The following SGCZ variants were observed in gnomAD, a reference collection of about 807,000 sequenced individuals.
The protein encoded by SGCZ is zeta-sarcoglycan.
SGCZ carries 40 observed loss-of-function variants against 41.3 expected under a neutral mutation model. That is an observed-to-expected ratio of 0.97 (90% CI 0.75 to 1.26). The LOEUF (loss-of-function observed/expected upper bound fraction) is 1.26. Ranked by LOEUF, SGCZ falls within the 50% of genes most tolerant of loss-of-function variation. SGCZ has a pLI of 0.00. For synonymous variants in SGCZ, 206 were observed against 137.5 expected (o/e 1.50, Z -3.49); for missense variants, 552 against 369.8 (o/e 1.49, Z -4.04).
chr8:14,562,380 T>A (rs1436762899), intron 1 of SGCZ, among the ~76,000 whole-genome samples: 3 of 152,002 alleles, frequency 2.0e-5, no homozygotes, highest in Non-Finnish European at 4.4e-5. Flanking sequence ...ACACAATATG[T>A]GCATAGAAAA....
rs549077214 is a variant in SGCZ at position 14,473,534 on chromosome 8, T to G, written c.234+81198A>C. Among the ~76,000 whole-genome samples, 9 of 152,324 alleles carry G rather than the reference T, an allele frequency of 5.9e-5. No individual in the cohort carries two copies. In the South Asian group the frequency reaches 1.2e-3, roughly 21 times the overall value. The stretch of plus-strand genomic sequence containing the variant: ...CTACCAAAAACTAAAATATCAATTT[T>G]GACCCAGAATTGTCAACTACATAGG... On this transcript the variant is annotated intron_variant, in intron 2 of 7. Coordinates refer to ENST00000382080, the MANE Select transcript of SGCZ (RefSeq NM_139167.4).
chr8:14,759,123 C>T (rs1004049596), intron 1 of SGCZ, among the ~76,000 whole-genome samples: 1 of 151,812 alleles, frequency 6.6e-6, no homozygotes, highest in Admixed American at 6.6e-5. Flanking sequence ...TTTATAAATA[C>T]TGACAACTAA....
intron 3 of SGCZ, among the ~76,000 whole-genome samples, chr8:14,264,949 C>T (rs901437807): frequency 2.0e-5 from 3 of 151,982 alleles, no homozygotes; most frequent in Admixed American, 2.0e-4. Context: ...GGTGACAGAG[C>T]GAGACTCTGT....
intron 1 of SGCZ, among the ~76,000 whole-genome samples, chr8:14,897,054 T>C (rs1230205109): frequency 1.3e-5 from 2 of 152,126 alleles, no homozygotes; most frequent in African/African-American, 2.4e-5. Context: ...AGTGATGGGA[T>C]TACAGGCGTG....
chr8:14,410,868 GCTAT>G (rs1162023165), intron 2 of SGCZ, among the ~76,000 whole-genome samples: 1 of 152,076 alleles, frequency 6.6e-6, no homozygotes, highest in African/African-American at 2.4e-5. Flanking sequence ...ATGGAACACT[GCTAT>G]CTGAGGGAAA....
chr8:14,444,248 G>C (rs1800361840), intron 2 of SGCZ, among the ~76,000 whole-genome samples: 1 of 152,162 alleles, frequency 6.6e-6, no homozygotes, highest in African/African-American at 2.4e-5. Context: ...GTGGAAGTCA[G>C]TGTGGCGATT....
intron 1 of SGCZ, among the ~76,000 whole-genome samples, chr8:14,788,735 G>A (rs935261312): frequency 1.6e-4 from 25 of 152,008 alleles, no homozygotes; most frequent in Non-Finnish European, 3.2e-4. Flanking sequence ...AGCAAATACC[G>A]AACCATTGCT....
chr8:15,087,493 T>G (rs1805993283), intron 1 of SGCZ, among the ~76,000 whole-genome samples: 1 of 152,132 alleles, frequency 6.6e-6, no homozygotes, highest in Admixed American at 6.5e-5. Flanking sequence ...TTTGAAAATT[T>G]TAGCTGCTTA....
At chr8:14,551,560 T>TATATATAATATATATAATATATA (rs1803850787) in intron 2 of SGCZ, among the ~76,000 whole-genome samples, 1 of 19,336 alleles carries the variant, frequency 5.2e-5, no homozygotes, top group Non-Finnish European at 7.7e-5. Context: ...TAATATATAT[T>TATATATAATATATATAATATATA]ATATATATAA....
At chr8:14,702,925 G>GTAGATAGATAGATAGA (rs1159190492) in intron 1 of SGCZ, among the ~76,000 whole-genome samples, 1 of 125,872 alleles carries the variant, frequency 7.9e-6, no homozygotes, top group African/African-American at 2.9e-5. Context: ...AGTTAGGTAG[G>GTAGATAGATAGATAGA]TAGATAGATA....
chr8:14,891,365 C>G (rs1458367807), intron 1 of SGCZ, among the ~76,000 whole-genome samples: 1 of 152,090 alleles, frequency 6.6e-6, no homozygotes, highest in Admixed American at 6.6e-5. Context: ...CAGTCATGGA[C>G]GACTTTGAGA....
At chr8:15,031,409 G>A (rs1185047061) in intron 1 of SGCZ, among the ~76,000 whole-genome samples, 2 of 152,134 alleles carry the variant, frequency 1.3e-5, no homozygotes, top group African/African-American at 4.8e-5. Context: ...CCCTTAAGAA[G>A]CTTTTTGTTT....
Position 14,554,715 on chromosome 8 carries a change from A to G in SGCZ, c.234+17T>C. On this transcript the variant is annotated intron_variant, in intron 2 of 7. Transcript: ENST00000382080. ...TGAACCAAGAGCAATAAGATGTAAA[A>G]TCATAGTGGTACTTACCACAGTGAA... is the stretch of plus-strand genomic sequence containing the variant. 6.3e-7 allele frequency: 1 copy of G among 1,597,098 alleles called. No homozygotes were observed. Among genetic ancestry groups the G allele is most frequent in the Non-Finnish European group, 8.6e-7 (1 of 1,168,660 alleles).
chr8:14,701,874 T>C (rs1431202113), intron 1 of SGCZ, among the ~76,000 whole-genome samples: 1 of 151,934 alleles, frequency 6.6e-6, no homozygotes, highest in Non-Finnish European at 1.5e-5. Flanking sequence ...TGATCACTCA[T>C]CAACCTAAAA....
chr8:14,386,992 T>C (rs568453820), intron 2 of SGCZ, among the ~76,000 whole-genome samples: 2 of 152,226 alleles, frequency 1.3e-5, no homozygotes, highest in South Asian at 2.1e-4. Context: ...AAAGATTTGA[T>C]GTTTGCCAAA....
At chr8:14,672,056 T>C (rs904893589) in intron 1 of SGCZ, among the ~76,000 whole-genome samples, 2 of 152,118 alleles carry the variant, frequency 1.3e-5, no homozygotes, top group Admixed American at 6.6e-5. Flanking sequence ...CCAGAAGTTA[T>C]TAGGACTCAT....
intron 1 of SGCZ, among the ~76,000 whole-genome samples, chr8:14,907,771 A>G (rs912892256): frequency 2.6e-5 from 4 of 152,202 alleles, no homozygotes; most frequent in African/African-American, 9.7e-5. Context: ...ATGCACAGAA[A>G]TGAGCCACAA....
At chr8:14,505,962 A>G (rs186787407) in intron 2 of SGCZ, among the ~76,000 whole-genome samples, 17 of 152,186 alleles carry the variant, frequency 1.1e-4, no homozygotes, top group Admixed American at 2.0e-4. Flanking sequence ...TCATGTGCCT[A>G]TGTGATGCTA....
intron 2 of SGCZ, among the ~76,000 whole-genome samples, chr8:14,495,636 A>T (rs1801966377): frequency 6.6e-6 from 1 of 152,142 alleles, no homozygotes; most frequent in African/African-American, 2.4e-5. Flanking sequence ...CAAGATACAA[A>T]ATAGATTTGG....
Sources: allele counts gnomAD v4.1 joint callset (sites outside exome capture counted in the v4.1 genomes callset), GRCh38; gene constraint gnomAD v4.1.1; transcripts MANE v1.5; gene names NCBI Gene and HGNC (gene_info 2026-07-23, HGNC 2026-07-21).